ABI3BP: variants seen among roughly 807,000 people sequenced by gnomAD.
ABI3BP encodes ABI family member 3 binding protein.
Under a neutral mutation model 268.6 loss-of-function variants are expected in ABI3BP, and 216 were observed. That is an observed-to-expected ratio of 0.80 (90% CI 0.72 to 0.90). ABI3BP has a LOEUF of 0.90. Ranked by LOEUF, ABI3BP falls within the 40% of genes least tolerant of loss-of-function variation. ABI3BP has a pLI of 0.00. For missense variants in ABI3BP, 2,090 were observed against 2,182.4 expected (o/e 0.96, Z 0.84); for synonymous variants, 730 against 730.0 (o/e 1.00, Z 0.00).
intron 58 of ABI3BP, chr3:100,778,759 T>A: frequency 5.3e-6 from 1 of 188,850 alleles, no homozygotes; most frequent in East Asian, 1.6e-4. Flanking sequence ...ATTATTTATA[T>A]TGCATTAGGT....
intron 4 of ABI3BP, among the ~76,000 whole-genome samples, chr3:100,896,479 C>T (rs1257477707): frequency 2.0e-5 from 3 of 152,090 alleles, no homozygotes; most frequent in African/African-American, 7.2e-5. Flanking sequence ...GAAATTACTC[C>T]AAATTATGCT....
intron 20 of ABI3BP, chr3:100,844,375 G>A: frequency 1.0e-6 from 1 of 985,378 alleles, no homozygotes. Context: ...AGGTGGCTGT[G>A]GTTTTTGAGA....
At chr3:100,759,055 A>C (rs991126504) in intron 63 of ABI3BP, among the ~76,000 whole-genome samples, 102 of 152,318 alleles carry the variant, frequency 6.7e-4, no homozygotes, top group African/African-American at 2.2e-3. Flanking sequence ...ATTATTTAAT[A>C]AACTTTTTAG....
intron 62 of ABI3BP, among the ~76,000 whole-genome samples, chr3:100,766,804 C>A (rs1485506074): frequency 2.0e-5 from 3 of 152,100 alleles, no homozygotes; most frequent in Non-Finnish European, 4.4e-5. Context: ...AACAATAAAC[C>A]CCACTCAAAA....
At chr3:100,913,052 T>G (rs539241942) in intron 2 of ABI3BP, among the ~76,000 whole-genome samples, 1 of 151,880 alleles carries the variant, frequency 6.6e-6, no homozygotes, top group East Asian at 1.9e-4. Flanking sequence ...GTAAAAAGAG[T>G]AGAATGCTGT....
chr3:100,896,435 T>C (rs1219376693), intron 4 of ABI3BP, among the ~76,000 whole-genome samples: 2 of 152,148 alleles, frequency 1.3e-5, no homozygotes, highest in Non-Finnish European at 2.9e-5. Flanking sequence ...TAGGACAAAG[T>C]GAAATTGGAG....
intron 59 of ABI3BP, 120 bp from the exon 60 acceptor site, chr3:100,775,455 G>T: frequency 7.6e-7 from 1 of 1,316,492 alleles, no homozygotes. Flanking sequence ...CTATAGACCA[G>T]GCTTGGAGAG....
In ABI3BP at chr3:100,830,636, T is replaced by A; in HGVS notation, c.2402-2A>T. ...CTGGTTCGAGGATTGTGGCAGGAAC[T>A]GATCAAAAGTAATAAAAGAAACCAA... On this transcript the variant is annotated splice_acceptor_variant, in intron 31 of 67. Coordinates refer to ENST00000471714, the MANE Select transcript of ABI3BP (RefSeq NM_001375547.2). LOFTEE classifies it high-confidence loss of function. 6.6e-7 allele frequency: 1 copy of A among 1,526,054 alleles called. No homozygotes were observed. The allele number at this position is 1,526,054 out of a possible 1,614,324, so 94.5% of individuals were successfully genotyped here. A position where few individuals can be genotyped will look rare whatever the true frequency, so the allele number is the denominator to read the frequency against.
chr3:100,854,252 C>A (rs928670689), intron 14 of ABI3BP, among the ~76,000 whole-genome samples: 5 of 151,618 alleles, frequency 3.3e-5, no homozygotes, highest in African/African-American at 1.2e-4. Context: ...GTGGTCCCAG[C>A]TACTCGGGAG....
At position 100,886,309 on chromosome 3, in the gene ABI3BP, C is replaced by T. The variant is rs201046479; in HGVS notation, c.476G>A (p.Arg159His). The T allele has an allele frequency of 9.9e-5, 158 of 1,594,044 alleles. No homozygotes were observed. The highest frequency in any genetic ancestry group is 1.2e-4 in the Non-Finnish European group (136 of 1,169,716). ...HCPNDRFYTIRYREKDKEKKW... is the reference protein window; with the variant it reads ...HCPNDRFYTIHYREKDKEKKW... ...CTTTTCTTTATCCTTTTCTCGATAG[C>T]GAATTGTATAAAATCTGTTGAATAA... is the stretch of plus-strand genomic sequence containing the variant. Residue 159 changes from arginine to histidine, a missense_variant, in exon 5 of 68, where the codon CGC becomes CAC. Physicochemically the swap from Arg to His is conservative, Grantham distance 29. Coordinates refer to ENST00000471714, the MANE Select transcript of ABI3BP (RefSeq NM_001375547.2).
At chr3:100,899,211 G>C (rs550308322) in intron 3 of ABI3BP, among the ~76,000 whole-genome samples, 10 of 152,160 alleles carry the variant, frequency 6.6e-5, no homozygotes, top group Admixed American at 2.0e-4. Flanking sequence ...GTCAGGGAAG[G>C]ATATGGAGGT....
At chr3:100,884,155 G>A (rs1447912442) in intron 6 of ABI3BP, among the ~76,000 whole-genome samples, 1 of 151,892 alleles carries the variant, frequency 6.6e-6, no homozygotes, top group Non-Finnish European at 1.5e-5. Flanking sequence ...AAGTAGTTTT[G>A]TTATAGGTAA....
rs578027940 is a variant in ABI3BP, at chr3:100,774,728, A to C, written c.4463-55T>G. The C allele has an allele frequency of 8.3e-5, 111 of 1,334,138 alleles. No individual in the cohort carries two copies. The South Asian group carries it at 9.8e-4, about 12-fold the overall frequency. 82.6% of individuals were successfully genotyped at this position (1,334,138 alleles called of 1,614,324 possible). A position where few individuals can be genotyped will look rare whatever the true frequency, so the allele number is the denominator to read the frequency against. ...GCAAAAGATAAAAAAGCTTCACAATACAATGAAAAAGTTGTAGACTAAAGA... is the reference window on the plus strand; with the variant it reads ...GCAAAAGATAAAAAAGCTTCACAATCCAATGAAAAAGTTGTAGACTAAAGA... On this transcript the variant is annotated intron_variant, in intron 60 of 67. Transcript: ENST00000471714.
In ABI3BP at chr3:100,960,574, G is replaced by A. The variant is rs184774280; in HGVS notation, c.79+32732C>T. ...AGGAAGATTCTTATAGATTATCTGC[G>A]TAGGCTCAATCTAATCATGTCTCCT... On this transcript the variant is annotated intron_variant, in intron 1 of 67. Coordinates refer to ENST00000471714, the MANE Select transcript of ABI3BP (RefSeq NM_001375547.2). Among the ~76,000 whole-genome samples the A allele has an allele frequency of 2.7e-3, 404 of 152,312 alleles. 1 individual carries two copies. Among genetic ancestry groups the A allele is most frequent in the African/African-American group, 9.1e-3 (378 of 41,558 alleles).
intron 51 of ABI3BP, among the ~76,000 whole-genome samples, chr3:100,797,032 T>C (rs879553808): frequency 6.6e-6 from 1 of 152,054 alleles, no homozygotes; most frequent in Admixed American, 6.6e-5. Flanking sequence ...ATACCACATG[T>C]AAAGTTAATG....
rs181679691 is a variant in ABI3BP at position 100,853,141 on chromosome 3, C to G, written c.1286-1201G>C. On this transcript the variant is annotated intron_variant, in intron 14 of 67. Coordinates refer to ENST00000471714, the MANE Select transcript of ABI3BP (RefSeq NM_001375547.2). ...TGTGACATCCTCTGAAAGTAGACAG[C>G]ATTTTATATTGTACTACATACTAAA... 4.6e-5 allele frequency among the ~76,000 whole-genome samples: 7 copies of G among 152,260 alleles called. No homozygotes were observed. The East Asian group carries it at 1.2e-3, about 25-fold the overall frequency.
chr3:100,984,145 T>TA (rs35472825), intron 1 of ABI3BP, among the ~76,000 whole-genome samples: 89 of 148,902 alleles, frequency 6.0e-4, no homozygotes, highest in African/African-American at 1.2e-3. Flanking sequence ...CCTGAGGAGT[T>TA]AAAAAAAAAA....
chr3:100,919,551 T>C (rs534017808), intron 2 of ABI3BP, among the ~76,000 whole-genome samples: 1 of 152,360 alleles, frequency 6.6e-6, no homozygotes, highest in South Asian at 2.1e-4. Context: ...TACTGACTCA[T>C]ATCTGATCAA....
In ABI3BP at chr3:100,847,640, T is replaced by G. The variant is rs747515021; in HGVS notation, c.1610A>C (p.Lys537Thr). 6.2e-7 allele frequency: 1 copy of G among 1,613,644 alleles called. No homozygotes were observed. The highest frequency in any genetic ancestry group is 8.5e-7 in the Non-Finnish European group (1 of 1,179,694). Reference sequence around the variant, plus strand: ...TGTAGGTTCAGGGCTTTTAGAAATTTTAGGTGTAATTGTTCCGGCACTTGT... The same window carrying G: ...TGTAGGTTCAGGGCTTTTAGAAATTGTAGGTGTAATTGTTCCGGCACTTGT... ...RTTSAGTITPKISKSPEPTWT... is the reference protein window; with the variant it reads ...RTTSAGTITPTISKSPEPTWT... The change falls in exon 19 of 68, where the codon AAA (lysine) becomes ACA (threonine). Residue 537 changes from lysine (K) to threonine (T), a missense_variant. Lys to Thr is a moderately conservative substitution (Grantham distance 78). Coordinates refer to ENST00000471714, the MANE Select transcript of ABI3BP (RefSeq NM_001375547.2).
Sources: gnomAD v4.1 joint callset for allele counts (sites outside exome capture counted in the v4.1 genomes callset) on GRCh38, gnomAD v4.1.1 for gene constraint, MANE v1.5 for transcripts, NCBI Gene and HGNC (gene_info 2026-07-23, HGNC 2026-07-21) for gene names.